JARID2: variants seen among roughly 807,000 people sequenced by gnomAD.
The protein encoded by JARID2 is jumonji and AT-rich interaction domain containing 2.
Under a neutral mutation model 125.6 loss-of-function variants are expected in JARID2, and 21 were observed. That is an observed-to-expected ratio of 0.17 (90% CI 0.12 to 0.24). JARID2 has a LOEUF of 0.24. Ranked by LOEUF, JARID2 falls within the 10% of genes least tolerant of loss-of-function variation. JARID2 has a pLI of 1.00. For missense variants in JARID2, 1,303 were observed against 1,639.6 expected (o/e 0.79, Z 3.55); for synonymous variants, 736 against 661.6 (o/e 1.11, Z -1.73).
At chr6:15,350,653 C>A (rs1013603231) in intron 1 of JARID2, among the ~76,000 whole-genome samples, 3 of 151,850 alleles carry the variant, frequency 2.0e-5, no homozygotes, top group African/African-American at 4.8e-5. Context: ...CATCGTTGGG[C>A]CTTCACTGAT....
At chr6:15,456,753 G>C (rs936144048) in intron 4 of JARID2, among the ~76,000 whole-genome samples, 12 of 151,952 alleles carry the variant, frequency 7.9e-5, no homozygotes, top group African/African-American at 2.7e-4. Flanking sequence ...CATCAAGATA[G>C]GTAGTTTCTT....
In JARID2 at chr6:15,328,604, T is replaced by A. The variant is rs193228799; in HGVS notation, c.46-45513T>A. 1.1e-3 allele frequency among the ~76,000 whole-genome samples: 160 copies of A among 152,288 alleles called. 2 individuals carry two copies. Among genetic ancestry groups the A allele is most frequent in the Middle Eastern group, 3.4e-3 (1 of 294 alleles). ...AGCAGAATTTGATGTATACAATTGT[T>A]TATCTAGGTTGCCCAGTGTAATATA... On this transcript the variant is annotated intron_variant, in intron 1 of 17. Transcript: ENST00000341776.
At chr6:15,430,046 A>C (rs1013328661) in intron 3 of JARID2, among the ~76,000 whole-genome samples, 1 of 152,224 alleles carries the variant, frequency 6.6e-6, no homozygotes, top group Non-Finnish European at 1.5e-5. Flanking sequence ...TCTTGCATGA[A>C]GATTCTCTGG....
chr6:15,500,510 C>T (rs1230123273), intron 7 of JARID2, among the ~76,000 whole-genome samples: 1 of 152,142 alleles, frequency 6.6e-6, no homozygotes, highest in African/African-American at 2.4e-5. Context: ...CTACCCACTC[C>T]TCACCAGGGA....
intron 3 of JARID2, among the ~76,000 whole-genome samples, chr6:15,425,611 GTC>G (rs1766692209): frequency 6.6e-6 from 1 of 152,132 alleles, no homozygotes; most frequent in Non-Finnish European, 1.5e-5. Flanking sequence ...GCCCCCTTTT[GTC>G]TCTCTTGCCA....
intron 4 of JARID2, among the ~76,000 whole-genome samples, chr6:15,463,485 C>T (rs1214808938): frequency 2.8e-5 from 4 of 142,332 alleles, no homozygotes; most frequent in African/African-American, 1.1e-4. Context: ...AGCTGGAGGG[C>T]AATGGCACAG....
At chr6:15,394,120 G>A (rs1201734726) in intron 2 of JARID2, among the ~76,000 whole-genome samples, 2 of 152,092 alleles carry the variant, frequency 1.3e-5, no homozygotes, top group Non-Finnish European at 2.9e-5. Context: ...TATGAGCTAT[G>A]TCTAGTCTAA....
intron 1 of JARID2, among the ~76,000 whole-genome samples, chr6:15,259,960 A>T (rs1315708312): frequency 1.3e-5 from 2 of 152,208 alleles, no homozygotes; most frequent in African/African-American, 4.8e-5. Context: ...ATCTCAATGC[A>T]GCAGTGTTTG....
intron 2 of JARID2, among the ~76,000 whole-genome samples, chr6:15,394,869 C>T (rs1164514168): frequency 6.6e-6 from 1 of 151,696 alleles, no homozygotes; most frequent in Non-Finnish European, 1.5e-5. Flanking sequence ...CGGCTTCATG[C>T]AGTAATTCAG....
chr6:15,286,265 T>A (rs1157466154), intron 1 of JARID2, among the ~76,000 whole-genome samples: 1 of 151,806 alleles, frequency 6.6e-6, no homozygotes, highest in Non-Finnish European at 1.5e-5. Flanking sequence ...CTTTTTTTTT[T>A]TTTTTGAGAT....
At chr6:15,506,535 G>T (rs1232604983) in intron 9 of JARID2, among the ~76,000 whole-genome samples, 1 of 152,136 alleles carries the variant, frequency 6.6e-6, no homozygotes, top group Non-Finnish European at 1.5e-5. Flanking sequence ...CTTGTGAGAC[G>T]AGGGAAGAGG....
In JARID2 at chr6:15,421,456, GA is replaced by G. The variant is rs931313864; in HGVS notation, c.323+11099del. The stretch of plus-strand genomic sequence containing the variant: ...CAGCGTAAGTAAGCCCTGACTCCAA[GA>G]AAAAAAATTCAAAATTAATAAACAT... On this transcript the variant is annotated intron_variant, in intron 3 of 17. Transcript: ENST00000341776. Among the ~76,000 whole-genome samples, 7 of 148,110 alleles carry G rather than the reference GA, an allele frequency of 4.7e-5. No homozygotes were observed. In the East Asian group the frequency reaches 1.2e-3, roughly 25 times the overall value.
chr6:15,512,998 A>G lies in JARID2; in HGVS notation c.3219A>G (p.Glu1073=). 1 of 1,614,054 alleles carries G rather than the reference A, an allele frequency of 6.2e-7. No homozygotes were observed. The highest frequency in any genetic ancestry group is 8.5e-7 in the Non-Finnish European group (1 of 1,180,006). ...YQIAQAEAKK[E]NGPTLSTISA... ...TTGCACAAGCAGAAGCAAAAAAAGA[A>G]AACGGTCCCACTCTCAGTACCATCT... Residue 1073 remains glutamate, a synonymous_variant, in exon 15 of 18, where the codon GAA becomes GAG. Transcript: ENST00000341776.
chr6:15,419,448 C>T (rs1236877702), intron 3 of JARID2, among the ~76,000 whole-genome samples: 1 of 152,068 alleles, frequency 6.6e-6, no homozygotes, highest in Non-Finnish European at 1.5e-5. Flanking sequence ...ACGTAGTTGC[C>T]ATTTTTGTTT....
intron 4 of JARID2, among the ~76,000 whole-genome samples, chr6:15,457,469 G>A (rs1046678833): frequency 3.3e-5 from 5 of 152,148 alleles, no homozygotes; most frequent in Non-Finnish European, 5.9e-5. Flanking sequence ...GGGTGACAGC[G>A]AGCACTGTGA....
intron 3 of JARID2, among the ~76,000 whole-genome samples, chr6:15,415,271 C>G (rs1261143428): frequency 3.9e-5 from 6 of 152,268 alleles, no homozygotes; most frequent in Admixed American, 1.3e-4. Context: ...ACCTTTCCCC[C>G]CTTTCTATTC....
chr6:15,474,503 T>C (rs1182550152), intron 5 of JARID2, among the ~76,000 whole-genome samples: 2 of 151,262 alleles, frequency 1.3e-5, no homozygotes, highest in Non-Finnish European at 2.9e-5. Context: ...TGTGTGTTCT[T>C]GGGCAAGGTA....
At chr6:15,513,822 G>A (rs867756467) in intron 16 of JARID2, among the ~76,000 whole-genome samples, 21 of 152,244 alleles carry the variant, frequency 1.4e-4, no homozygotes, top group African/African-American at 3.9e-4. Flanking sequence ...TGTGGCCTGT[G>A]CCTGGTGCAC....
At chr6:15,256,076 G>T (rs995098134) in intron 1 of JARID2, among the ~76,000 whole-genome samples, 1 of 152,136 alleles carries the variant, frequency 6.6e-6, no homozygotes, top group Non-Finnish European at 1.5e-5. Context: ...AGAGGCAGGG[G>T]AATTTTTGAT....
Sources: gnomAD v4.1 joint callset for allele counts (sites outside exome capture counted in the v4.1 genomes callset) on GRCh38, gnomAD v4.1.1 for gene constraint, MANE v1.5 for transcripts, NCBI Gene and HGNC (gene_info 2026-07-23, HGNC 2026-07-21) for gene names.